INPP5K: variants seen among roughly 807,000 people sequenced by gnomAD.
INPP5K encodes the protein inositol polyphosphate 5-phosphatase K.
Under a neutral mutation model 53.5 loss-of-function variants are expected in INPP5K, and 35 were observed. That is an observed-to-expected ratio of 0.65 (90% confidence interval 0.50 to 0.87). The LOEUF is 0.87. INPP5K is among the 40% of genes least tolerant of loss of function. The pLI is 0.00. For missense variants in INPP5K, 550 were observed against 586.2 expected, an observed-to-expected ratio of 0.94 and a Z score of 0.64; for synonymous variants, 253 against 232.8, an observed-to-expected ratio of 1.09 and a Z score of -0.79.
At chr17:1,513,019 G>A (rs762951134) in intron 3 of INPP5K, among the ~76,000 whole-genome samples, 2 of 152,190 alleles carry the variant, frequency 1.3e-5, no homozygotes, top group Non-Finnish European at 2.9e-5. Context: ...CAACAGACTT[G>A]TTAAGATTTT....
At chr17:1,503,247 G>C (rs1431411937) in intron 7 of INPP5K, among the ~76,000 whole-genome samples, 3 of 149,492 alleles carry the variant, frequency 2.0e-5, no homozygotes, top group Admixed American at 2.0e-4. Context: ...GCAGTGGCGT[G>C]ATCTCGGCTC....
At chr17:1,496,611 G>T (rs1598358613) in intron 9 of INPP5K, 55 bp downstream of exon 9, 1 of 1,604,068 alleles carries the variant, frequency 6.2e-7, no homozygotes, top group East Asian at 2.2e-5. Context: ...GAGCCCTCGG[G>T]AAGGATGAAC....
chr17:1,506,566 C>G (rs1251566675), intron 7 of INPP5K, among the ~76,000 whole-genome samples: 1 of 152,212 alleles, frequency 6.6e-6, no homozygotes, highest in Non-Finnish European at 1.5e-5. Context: ...CACACAAGAC[C>G]TGACCCATTC....
At chr17:1,515,922 T>G in intron 1 of INPP5K, 26 of 987,282 alleles carry the variant, frequency 2.6e-5, no homozygotes, top group Non-Finnish European at 3.0e-5. Flanking sequence ...CCGGATTTCT[T>G]GTTCCCACTC....
In INPP5K at chr17:1,513,854, G is replaced by A. The variant is rs2150994645; in HGVS notation, c.152+18C>T. ...TGGGACTGGTCAGGGATGGGCGAAGGAGCCTGCAGATACCTACCCAATAAC... is the reference window on the plus strand; with the variant it reads ...TGGGACTGGTCAGGGATGGGCGAAGAAGCCTGCAGATACCTACCCAATAAC... On this transcript the variant is annotated intron_variant, in intron 2 of 11. Transcript: ENST00000421807. 1 of 1,572,348 alleles carries A rather than the reference G, an allele frequency of 6.4e-7. No individual in the cohort carries two copies. The highest frequency in any genetic ancestry group is 1.3e-5 in the African/African-American group (1 of 74,282).
intron 6 of INPP5K, chr17:1,507,737 G>C (rs1280662355): frequency 6.0e-6 from 1 of 165,540 alleles, no homozygotes; most frequent in African/African-American, 2.4e-5. Flanking sequence ...TAGAGATGAG[G>C]TTTCTCCAAG....
intron 3 of INPP5K, among the ~76,000 whole-genome samples, chr17:1,512,023 G>A (rs946852522): frequency 6.6e-6 from 1 of 152,162 alleles, no homozygotes; most frequent in Non-Finnish European, 1.5e-5. Flanking sequence ...GGGGGCCCTG[G>A]AGCAGTGGAA....
intron 1 of INPP5K, chr17:1,516,051 C>A (rs2075426842): frequency 9.4e-7 from 1 of 1,068,026 alleles, no homozygotes; most frequent in African/African-American, 1.7e-5. Flanking sequence ...CCTAAAGGAT[C>A]TTATCTCAAT....
At chr17:1,511,927 T>C (rs1191170903) in intron 3 of INPP5K, among the ~76,000 whole-genome samples, 1 of 151,702 alleles carries the variant, frequency 6.6e-6, no homozygotes, top group Non-Finnish European at 1.5e-5. Context: ...GGTGGGGCTG[T>C]GGGAAAAGCA....
chr17:1,498,596 T>C (rs894143556), intron 7 of INPP5K, among the ~76,000 whole-genome samples: 1 of 152,088 alleles, frequency 6.6e-6, no homozygotes, highest in African/African-American at 2.4e-5. Context: ...CCACACCTTT[T>C]TTTAAATTTA....
chr17:1,507,442 CAA>C (rs2075185723), intron 6 of INPP5K: 1 of 262,948 alleles, frequency 3.8e-6, no homozygotes. Flanking sequence ...CCTCACCCTC[CAA>C]GAGGGAAACG....
intron 3 of INPP5K, among the ~76,000 whole-genome samples, chr17:1,512,935 G>GA (rs1368195965): frequency 2.0e-5 from 3 of 152,242 alleles, no homozygotes; most frequent in Non-Finnish European, 4.4e-5. Flanking sequence ...TGAAGTTTGA[G>GA]AGATCTGGAT....
chr17:1,511,004 T>G (rs1402831468), intron 3 of INPP5K, among the ~76,000 whole-genome samples: 2 of 152,144 alleles, frequency 1.3e-5, no homozygotes, highest in East Asian at 3.8e-4. Context: ...AATTTCTGCA[T>G]GCTTTTCTGT....
intron 7 of INPP5K, among the ~76,000 whole-genome samples, chr17:1,502,528 AC>A (rs1598372855): frequency 9.7e-6 from 1 of 102,720 alleles, no homozygotes; most frequent in East Asian, 3.0e-4. Flanking sequence ...CTCTCAGCCC[AC>A]CCCCACCCCC....
At position 1,509,814 on chromosome 17, in the gene INPP5K, G is replaced by A; in HGVS notation, c.262-15C>T. 6.5e-7 allele frequency: 1 copy of A among 1,545,156 alleles called. No individual in the cohort carries two copies. Among genetic ancestry groups the A allele is most frequent in the Non-Finnish European group, 8.9e-7 (1 of 1,119,844 alleles). ...ACATGGGAGACCTGCAGGAGAGAGA[G>A]GGCAAAGGTCGCTCATTAAACCACA... On this transcript the variant is annotated splice_polypyrimidine_tract_variant and intron_variant, in intron 3 of 11. Transcript: ENST00000421807.
chr17:1,513,938 G>C lies in INPP5K; in HGVS notation c.86C>G (p.Pro29Arg), dbSNP rs150733313. ...CTGAAGCAGGTCACTGAGATCTAGA[G>C]GGGGCGCTGCCGAAGCCACGTTCCA... is the stretch of plus-strand genomic sequence containing the variant. The part of the protein sequence containing the change: ...VTWNVASAAP[P>R]LDLSDLLQLN... The change falls in exon 2 of 12, where the codon CCT (proline) becomes CGT (arginine). Residue 29 changes from proline to arginine, a missense_variant. Coordinates refer to ENST00000421807, the MANE Select transcript of INPP5K (RefSeq NM_016532.4). 1,175 of 1,613,138 alleles carry C rather than the reference G, an allele frequency of 7.3e-4. No homozygotes were observed. The highest frequency in any genetic ancestry group is 9.4e-4 in the Non-Finnish European group (1,114 of 1,179,314).
chr17:1,509,824 C>T (rs369198129), intron 3 of INPP5K, 25 bp from the exon 4 acceptor site: 233 of 1,496,998 alleles, frequency 1.6e-4, no homozygotes, highest in Non-Finnish European at 1.9e-4. Context: ...GGGCAAAGGT[C>T]GCTCATTAAA....
intron 7 of INPP5K, among the ~76,000 whole-genome samples, chr17:1,501,766 C>T (rs969899301): frequency 6.6e-6 from 1 of 152,124 alleles, no homozygotes; most frequent in African/African-American, 2.4e-5. Flanking sequence ...CGCCTGTAAT[C>T]CCAGCACTGT....
intron 7 of INPP5K, among the ~76,000 whole-genome samples, chr17:1,499,219 G>C (rs922527500): frequency 2.0e-5 from 3 of 152,208 alleles, no homozygotes; most frequent in African/African-American, 7.2e-5. Flanking sequence ...TTCCTCTCAA[G>C]AGTCGACTGA....
Sources: gnomAD v4.1 joint callset for allele counts (sites outside exome capture counted in the v4.1 genomes callset) on GRCh38, gnomAD v4.1.1 for gene constraint, MANE v1.5 for transcripts, NCBI Gene and HGNC (gene_info 2026-07-23, HGNC 2026-07-21) for gene names.